TOP6BL: variants seen among roughly 807,000 people sequenced by gnomAD.
TOP6BL encodes type 2 DNA topoisomerase 6 subunit B-like.
the TOP6BL span, chr11:66,815,913 G>A: frequency 1.1e-5 from 8 of 754,692 alleles, no homozygotes; most frequent in Admixed American, 2.4e-4. Flanking sequence ...AGAGAAACAG[G>A]TTCAGGAGGG....
At chr11:66,758,150 C>A in the TOP6BL span, 2 of 984,206 alleles carry the variant, frequency 2.0e-6, no homozygotes, top group Non-Finnish European at 2.4e-6. Context: ...AAATAAAAAG[C>A]CTCTAGGTAG....
chr11:66,763,432 T>C, the TOP6BL span, among the ~76,000 whole-genome samples: 1 of 152,176 alleles, frequency 6.6e-6, no homozygotes, highest in Non-Finnish European at 1.5e-5. Flanking sequence ...ATTTAAAAAC[T>C]AATTGTGGAG....
At chr11:66,781,760 A>C in the TOP6BL span, among the ~76,000 whole-genome samples, 1 of 151,676 alleles carries the variant, frequency 6.6e-6, no homozygotes, top group African/African-American at 2.4e-5. Context: ...CTAGTCTCAA[A>C]CTCCTGGCCT....
the TOP6BL span, chr11:66,842,972 C>A: frequency 1.2e-5 from 19 of 1,550,542 alleles, no homozygotes; most frequent in African/African-American, 2.5e-4. Flanking sequence ...CGCCCGGAAG[C>A]CACCGCGGCC....
the TOP6BL span, among the ~76,000 whole-genome samples, chr11:66,812,304 G>A: frequency 6.6e-6 from 1 of 151,488 alleles, no homozygotes; most frequent in Non-Finnish European, 1.5e-5. Context: ...AGCCTCCCTA[G>A]TAGCTGGGAC....
chr11:66,772,376 CAGA>C, the TOP6BL span, among the ~76,000 whole-genome samples: 1 of 152,150 alleles, frequency 6.6e-6, no homozygotes, highest in African/African-American at 2.4e-5. Context: ...GAGGCTGAAG[CAGA>C]AGGAGTGATT....
the TOP6BL span, among the ~76,000 whole-genome samples, chr11:66,809,766 C>G: frequency 6.6e-6 from 1 of 152,066 alleles, no homozygotes; most frequent in African/African-American, 2.4e-5. Flanking sequence ...TGCAGTTGTG[C>G]GATCATAGCT....
the TOP6BL span, among the ~76,000 whole-genome samples, chr11:66,789,800 C>A: frequency 2.6e-5 from 4 of 152,132 alleles, no homozygotes; most frequent in African/African-American, 9.7e-5. Flanking sequence ...ATTCAGAGAA[C>A]TTGACTGACT....
At chr11:66,773,931 G>T in the TOP6BL span, among the ~76,000 whole-genome samples, 2 of 151,920 alleles carry the variant, frequency 1.3e-5, no homozygotes, top group African/African-American at 2.4e-5. Flanking sequence ...GAGACACCAT[G>T]TTGGCCAGGC....
At chr11:66,794,843 AAAG>A in the TOP6BL span, among the ~76,000 whole-genome samples, 1 of 152,150 alleles carries the variant, frequency 6.6e-6, no homozygotes, top group East Asian at 1.9e-4. Context: ...AAAAATCTAC[AAAG>A]AAGGGGCCAG....
chr11:66,786,937 G>GT, the TOP6BL span, among the ~76,000 whole-genome samples: 36,242 of 143,588 alleles, frequency 0.25, 4,450 homozygotes, highest in Middle Eastern at 0.34. Flanking sequence ...TTTTTGTTTT[G>GT]TTTTTTTTTT....
chr11:66,795,874 G>T, the TOP6BL span: 1 of 154,558 alleles, frequency 6.5e-6, no homozygotes, highest in Non-Finnish European at 1.4e-5. Context: ...TGCTCCTTCC[G>T]ACTCCACTCA....
chr11:66,820,988 C>T, the TOP6BL span, among the ~76,000 whole-genome samples: 1 of 152,230 alleles, frequency 6.6e-6, no homozygotes, highest in African/African-American at 2.4e-5. Context: ...TTTCCCACTC[C>T]CAGTCCTGAC....
At chr11:66,836,828 G>A in the TOP6BL span, among the ~76,000 whole-genome samples, 1 of 149,494 alleles carries the variant, frequency 6.7e-6, no homozygotes, top group Admixed American at 6.7e-5. Context: ...AGCCTCCTGA[G>A]TAGCTGGGAT....
chr11:66,745,320 G>GA, the TOP6BL span, among the ~76,000 whole-genome samples: 2 of 137,646 alleles, frequency 1.5e-5, no homozygotes, highest in Non-Finnish European at 3.2e-5. Flanking sequence ...GGGGTGGGGG[G>GA]AGTCGGGGCG....
the TOP6BL span, among the ~76,000 whole-genome samples, chr11:66,786,378 T>G: frequency 1.3e-5 from 2 of 152,240 alleles, no homozygotes; most frequent in Non-Finnish European, 2.9e-5. Flanking sequence ...TTTGTATTAT[T>G]TTATATGTTT....
the TOP6BL span, chr11:66,771,688 G>A: frequency 6.2e-6 from 1 of 161,380 alleles, no homozygotes; most frequent in Non-Finnish European, 1.4e-5. Context: ...TTGGCAAGAA[G>A]GAGCTAACCA....
chr11:66,829,068 C>CA, the TOP6BL span, among the ~76,000 whole-genome samples: 4,044 of 32,738 alleles, frequency 0.12, 289 homozygotes, highest in Non-Finnish European at 0.14. Flanking sequence ...GCCTCTGTCT[C>CA]AAAAAAAAAA....
chr11:66,798,022 A>T, the TOP6BL span, among the ~76,000 whole-genome samples: 1 of 152,202 alleles, frequency 6.6e-6, no homozygotes, highest in Admixed American at 6.5e-5. Context: ...AGTAAGTTTT[A>T]TCATCATCAT....
Sources: gnomAD v4.1 joint callset for allele counts (sites outside exome capture counted in the v4.1 genomes callset) on GRCh38, gnomAD v4.1.1 for gene constraint, MANE v1.5 for transcripts, NCBI Gene and HGNC (gene_info 2026-07-23, HGNC 2026-07-21) for gene names.